The following CCSER1 variants were observed in gnomAD, a reference collection of about 807,000 sequenced individuals.
CCSER1 encodes coiled-coil serine rich protein 1.
In CCSER1, 41 loss-of-function variants were observed where a neutral mutation model predicts 82.0. That is an observed-to-expected ratio of 0.50 (90% CI 0.39 to 0.65). The LOEUF (loss-of-function observed/expected upper bound fraction) is 0.65. CCSER1 is among the 30% of genes least tolerant of loss of function. The probability of loss-of-function intolerance (pLI) is 0.00; values close to 1 mark genes in which losing one functional copy is unlikely to be tolerated. For missense variants in CCSER1, 1,119 were observed against 1,064.2 expected, an observed-to-expected ratio of 1.05 and a Z score of -0.72; for synonymous variants, 414 against 383.9, an observed-to-expected ratio of 1.08 and a Z score of -0.92.
At chr4:90,131,432 C>G (rs1294584333) in intron 1 of CCSER1, among the ~76,000 whole-genome samples, 1 of 152,166 alleles carries the variant, frequency 6.6e-6, no homozygotes, top group Non-Finnish European at 1.5e-5. Context: ...AAGTGGCACA[C>G]CTCTTTATAG....
chr4:90,265,240 G>A (rs1246271004), intron 1 of CCSER1, among the ~76,000 whole-genome samples: 1 of 151,612 alleles, frequency 6.6e-6, no homozygotes, highest in Admixed American at 6.6e-5. Context: ...TCTTTTGAAT[G>A]GAATTCAGTA....
At chr4:90,542,953 T>C (rs1418109071) in intron 5 of CCSER1, among the ~76,000 whole-genome samples, 1 of 152,166 alleles carries the variant, frequency 6.6e-6, no homozygotes, top group Non-Finnish European at 1.5e-5. Flanking sequence ...GTTATGCTTA[T>C]GTATTATACA....
intron 9 of CCSER1, among the ~76,000 whole-genome samples, chr4:91,050,922 T>C (rs1257671728): frequency 6.6e-6 from 1 of 152,164 alleles, no homozygotes; most frequent in African/African-American, 2.4e-5. Context: ...TTATTCTCAT[T>C]TTATTCCCTT....
At chr4:90,168,648 T>C (rs1330431426) in intron 1 of CCSER1, among the ~76,000 whole-genome samples, 6 of 152,188 alleles carry the variant, frequency 3.9e-5, no homozygotes, top group Non-Finnish European at 7.3e-5. Flanking sequence ...GACTTAATTT[T>C]TGTATAAGGT....
intron 10 of CCSER1, among the ~76,000 whole-genome samples, chr4:91,531,147 A>G (rs1369012564): frequency 6.6e-6 from 1 of 152,184 alleles, no homozygotes. Context: ...TGGCAGAAAT[A>G]ATTTCAACAT....
At chr4:90,810,243 A>C (rs6849395) in intron 7 of CCSER1, among the ~76,000 whole-genome samples, 1 of 151,822 alleles carries the variant, frequency 6.6e-6, no homozygotes, top group African/African-American at 2.4e-5. Context: ...ATTACAAGCG[A>C]GAGCCACCAT....
chr4:90,842,878 CA>C (rs1406839198), intron 8 of CCSER1, among the ~76,000 whole-genome samples: 5 of 150,336 alleles, frequency 3.3e-5, no homozygotes, highest in Non-Finnish European at 7.4e-5. Flanking sequence ...CCCTTTCTCC[CA>C]AAAATTTACA....
rs72882768 is a variant in CCSER1 at position 91,497,389 on chromosome 4, T to C, written c.2218-101183T>C. On this transcript the variant is annotated intron_variant, in intron 10 of 10. Transcript: ENST00000509176. Reference sequence around the variant, plus strand: ...TGGTGCTAAGATGTCCACATTTTTATTTTTAGGGAAGAGAAATCAATATCT... The same window carrying C: ...TGGTGCTAAGATGTCCACATTTTTACTTTTAGGGAAGAGAAATCAATATCT... 3.4e-3 allele frequency among the ~76,000 whole-genome samples: 512 copies of C among 151,844 alleles called. 2 individuals carry two copies. The highest frequency in any genetic ancestry group is 0.012 in the African/African-American group (491 of 41,512).
chr4:91,058,589 TAA>T (rs1156826916), intron 9 of CCSER1, among the ~76,000 whole-genome samples: 1 of 152,068 alleles, frequency 6.6e-6, no homozygotes, highest in Admixed American at 6.6e-5. Context: ...TACTCAAAAA[TAA>T]CTTTGTCATC....
At chr4:91,452,894 C>A (rs551743738) in intron 10 of CCSER1, among the ~76,000 whole-genome samples, 37 of 152,040 alleles carry the variant, frequency 2.4e-4, no homozygotes, top group Non-Finnish European at 4.6e-4. Flanking sequence ...AAAATAAGAT[C>A]ACTAAACCTT....
At chr4:90,396,859 TA>T (rs1463152355) in intron 3 of CCSER1, among the ~76,000 whole-genome samples, 1 of 152,202 alleles carries the variant, frequency 6.6e-6, no homozygotes, top group Non-Finnish European at 1.5e-5. Context: ...CCTTGATTTT[TA>T]TTAGCATTAT....
At chr4:91,072,692 T>C (rs1045046399) in intron 9 of CCSER1, among the ~76,000 whole-genome samples, 3 of 152,128 alleles carry the variant, frequency 2.0e-5, no homozygotes, top group Non-Finnish European at 4.4e-5. Flanking sequence ...CTGGGCTCAG[T>C]ATTCAACTCT....
chr4:90,417,614 C>G (rs916036069), intron 4 of CCSER1, among the ~76,000 whole-genome samples: 1 of 152,024 alleles, frequency 6.6e-6, no homozygotes, highest in African/African-American at 2.4e-5. Flanking sequence ...GGCAGTGTCT[C>G]TTGGTATATA....
chr4:90,912,262 A>G lies in CCSER1; in HGVS notation c.2095-11108A>G, dbSNP rs144101703. Among the ~76,000 whole-genome samples the G allele has an allele frequency of 6.2e-3, 951 of 152,288 alleles. 4 individuals are homozygous for G. Among genetic ancestry groups the G allele is most frequent in the African/African-American group, 0.022 (902 of 41,578 alleles). ...CCCAGTAGGGGCAGACTGACACCTC[A>G]CAAGAACTGGTACCACTCTGAGATG... On this transcript the variant is annotated intron_variant, in intron 8 of 10. Transcript: ENST00000509176.
At chr4:91,383,628 A>C (rs762260791) in intron 10 of CCSER1, among the ~76,000 whole-genome samples, 66 of 152,266 alleles carry the variant, frequency 4.3e-4, no homozygotes, top group Non-Finnish European at 7.4e-4. Flanking sequence ...AAAGTTGAGT[A>C]ATTACAACAG....
Position 91,598,711 on chromosome 4 carries a change from C to T in CCSER1, c.2357C>T (p.Pro786Leu). Residue 786 changes from proline (P) to leucine (L), a missense_variant, in exon 11 of 11, where the codon CCA becomes CTA. Coordinates refer to ENST00000509176, the MANE Select transcript of CCSER1 (RefSeq NM_001145065.2). ...TACAAAAACAAGACCTGTCAACTCC[C>T]AAGTCTCTGTTTAAGTAATTTCCTG... ...SPYKNKTCQL[P>L]SLCLSNFLKD... The T allele has an allele frequency of 1.3e-6, 2 of 1,551,496 alleles. No individual in the cohort carries two copies. Among genetic ancestry groups the T allele is most frequent in the Non-Finnish European group, 1.7e-6 (2 of 1,146,916 alleles).
chr4:91,161,171 ACTT>A (rs770615925), intron 10 of CCSER1, among the ~76,000 whole-genome samples: 1 of 152,146 alleles, frequency 6.6e-6, no homozygotes, highest in Non-Finnish European at 1.5e-5. Context: ...TCCTTTCCCC[ACTT>A]CTTCTTTTTG....
At chr4:91,001,361 A>G (rs1010137896) in intron 9 of CCSER1, among the ~76,000 whole-genome samples, 3 of 152,082 alleles carry the variant, frequency 2.0e-5, no homozygotes, top group Admixed American at 1.3e-4. Context: ...ATATTGACCT[A>G]TAGTTTTCTT....
intron 8 of CCSER1, among the ~76,000 whole-genome samples, chr4:90,881,017 G>T (rs1361081987): frequency 2.0e-5 from 3 of 147,950 alleles, no homozygotes; most frequent in African/African-American, 7.6e-5. Context: ...GCTGCTTCTA[G>T]TCGACCATCT....
Sources: gnomAD v4.1 joint callset for allele counts (sites outside exome capture counted in the v4.1 genomes callset) on GRCh38, gnomAD v4.1.1 for gene constraint, MANE v1.5 for transcripts, NCBI Gene and HGNC (gene_info 2026-07-23, HGNC 2026-07-21) for gene names.